The following TEX15 variants were observed in gnomAD, a reference collection of about 807,000 sequenced individuals.
TEX15 encodes the protein testis-expressed protein 15.
In TEX15, 171 loss-of-function variants were observed where a neutral mutation model predicts 237.3. The observed-to-expected ratio is 0.72, with a 90% CI of 0.64 to 0.82. The LOEUF (loss-of-function observed/expected upper bound fraction) is 0.82. TEX15 is among the 40% of genes least tolerant of loss of function. The probability of loss-of-function intolerance (pLI) is 0.00; values close to 1 mark genes in which losing one functional copy is unlikely to be tolerated. For synonymous variants in TEX15, 1,338 were observed against 1,269.8 expected, an observed-to-expected ratio of 1.05 and a Z score of -1.14; for missense variants, 3,750 against 3,646.5, an observed-to-expected ratio of 1.03 and a Z score of -0.73.
intron 3 of TEX15, among the ~76,000 whole-genome samples, chr8:30,883,369 CTTTT>C (rs56948523): frequency 2.3e-4 from 34 of 149,886 alleles, no homozygotes; most frequent in African/African-American, 7.1e-4. Flanking sequence ...TCAGTATTTT[CTTTT>C]TTTTTTAATT....
At chr8:30,849,554 C>T (rs1807721985) in intron 7 of TEX15, among the ~76,000 whole-genome samples, 1 of 151,768 alleles carries the variant, frequency 6.6e-6, no homozygotes, top group Admixed American at 6.6e-5. Context: ...AGAGTATTTG[C>T]CATAAAAGTT....
chr8:30,846,104 T>C lies in TEX15; in HGVS notation c.4063A>G (p.Lys1355Glu). ...GRIKTFSQSE[K>E]HIKSVLNILS... ...ATATTTAGGACACTCTTAATGTGCT[T>C]TTCTGACTGTGAAAATGTTTTAATT... Residue 1355 changes from lysine to glutamate, a missense_variant, in exon 8 of 11, where the codon AAG (lysine) becomes GAG (glutamate). Coordinates refer to ENST00000643185, the MANE Select transcript of TEX15 (RefSeq NM_001350162.2). The C allele has an allele frequency of 6.2e-7, 1 of 1,613,494 alleles. No homozygotes were observed. Among genetic ancestry groups the C allele is most frequent in the Non-Finnish European group, 8.5e-7 (1 of 1,179,602 alleles).
rs749440506 is a variant in TEX15, at chr8:30,847,914, C to T, written c.2253G>A (p.Gly751=). ...TGCTAGCATAATTTTGATTTATTTT[C>T]CCCAATTTCAGTTCCATTAGCTTTT... ...IAQKLMELKL[G]KINQNYASII... is the part of the protein sequence containing the mutation. Residue 751 remains glycine (G), a synonymous_variant, in exon 8 of 11, where the codon GGG becomes GGA. Transcript: ENST00000643185. The T allele has an allele frequency of 1.2e-6, 2 of 1,613,868 alleles. No individual in the cohort carries two copies. The highest frequency in any genetic ancestry group is 8.5e-7 in the Non-Finnish European group (1 of 1,179,916).
Position 30,839,558 on chromosome 8 carries a change from G to T in TEX15, c.8222+348C>A, listed in dbSNP as rs191800462. Among the ~76,000 whole-genome samples, 11 of 152,172 alleles carry T rather than the reference G, an allele frequency of 7.2e-5. No individual in the cohort carries two copies. The East Asian group carries it at 1.9e-3, about 27-fold the overall frequency. ...TATGTATTGTATCGTATCTTGTAAA[G>T]ATATAAATTTTTCTTTCTTATTCTG... On this transcript the variant is annotated intron_variant, in intron 9 of 10. Transcript: ENST00000643185.
chr8:30,847,442 TGTG>T lies in TEX15; in HGVS notation c.2722_2724del (p.His908del), dbSNP rs746822352. ...TCTTCAGAACTCAAAATTTCTATAT[TGTG>T]GTAATTTTTGTCCTCCTTTTCATCT... On this transcript the variant is annotated inframe_deletion, in exon 8 of 11. Coordinates refer to ENST00000643185, the MANE Select transcript of TEX15 (RefSeq NM_001350162.2). The T allele has an allele frequency of 9.1e-5, 146 of 1,610,970 alleles. No individual in the cohort carries two copies. Among genetic ancestry groups the T allele is most frequent in the Non-Finnish European group, 5.3e-5 (62 of 1,179,334 alleles).
In TEX15 at chr8:30,844,270, T is replaced by C; in HGVS notation, c.5897A>G (p.Glu1966Gly). The change falls in exon 8 of 11, where the codon GAA becomes GGA. Residue 1966 changes from glutamate to glycine, a missense_variant. Coordinates refer to ENST00000643185, the MANE Select transcript of TEX15 (RefSeq NM_001350162.2). ...NHTPILPAHS[E>G]TCKVPTLLKK... ...CAGAAGAGTAGGGACTTTACAGGTT[T>C]CAGAGTGGGCAGGTAAAATAGGCGT... The C allele has an allele frequency of 6.2e-7, 1 of 1,613,380 alleles. No homozygotes were observed. The highest frequency in any genetic ancestry group is 8.5e-7 in the Non-Finnish European group (1 of 1,179,542).
rs960435758 is a variant in TEX15 at position 30,844,427 on chromosome 8, T to C, written c.5740A>G (p.Thr1914Ala). ...CTTTTGTTAAGCGGATTAGAAACTGTGTTCTTCAAAGGGACTGACTCAGTG... is the reference window on the plus strand; with the variant it reads ...CTTTTGTTAAGCGGATTAGAAACTGCGTTCTTCAAAGGGACTGACTCAGTG... ...TTTESVPLKN[T>A]VSNPLNKREK... Residue 1914 changes from threonine to alanine, a missense_variant, in exon 8 of 11, where the codon ACA becomes GCA. Physicochemically the swap from Thr to Ala is moderately conservative, Grantham distance 58. Coordinates refer to ENST00000643185, the MANE Select transcript of TEX15 (RefSeq NM_001350162.2). 6.2e-7 allele frequency: 1 copy of C among 1,612,166 alleles called. No individual in the cohort carries two copies. Among genetic ancestry groups the C allele is most frequent in the African/African-American group, 1.3e-5 (1 of 74,804 alleles).
chr8:30,886,548 T>G (rs979482387), intron 3 of TEX15, among the ~76,000 whole-genome samples: 3 of 152,148 alleles, frequency 2.0e-5, no homozygotes, highest in East Asian at 1.9e-4. Flanking sequence ...GAATGCATTA[T>G]TGCTGTGTGA....
chr8:30,870,033 G>A (rs1356718915), intron 4 of TEX15, among the ~76,000 whole-genome samples: 1 of 151,970 alleles, frequency 6.6e-6, no homozygotes, highest in African/African-American at 2.4e-5. Flanking sequence ...TGTCACCTCT[G>A]AACCCTGCAT....
intron 2 of TEX15, among the ~76,000 whole-genome samples, chr8:30,889,985 G>A (rs1808765360): frequency 9.2e-6 from 1 of 109,034 alleles, no homozygotes; most frequent in African/African-American, 4.3e-5. Flanking sequence ...GTAAAATCAG[G>A]AAGTTTGAAT....
intron 1 of TEX15, among the ~76,000 whole-genome samples, chr8:30,899,999 T>G (rs1368739778): frequency 1.3e-5 from 2 of 152,198 alleles, no homozygotes; most frequent in Non-Finnish European, 2.9e-5. Context: ...TAACTTTTAT[T>G]GGTGAAACAT....
intron 3 of TEX15, 170 bp downstream of exon 3, chr8:30,886,997 G>A (rs10110967): frequency 0.24 from 123,045 of 502,398 alleles, 23,178 homozygotes; most frequent in African/African-American, 0.74. Flanking sequence ...GATGCAGAAC[G>A]TGCATCTATT....
intron 3 of TEX15, among the ~76,000 whole-genome samples, chr8:30,881,405 GATCT>G (rs1313905341): frequency 1.3e-5 from 2 of 151,952 alleles, no homozygotes; most frequent in Non-Finnish European, 2.9e-5. Context: ...CTATTTAAAT[GATCT>G]ATTTAGAACT....
rs764662136 is a variant in TEX15, at chr8:30,844,183, G to A, written c.5984C>T (p.Ala1995Val). ...AATTTGAGATAGATTAGCTATAAGGGCCGTATGATTAGCTGAGCAATGTTT... is the reference window on the plus strand; with the variant it reads ...AATTTGAGATAGATTAGCTATAAGGACCGTATGATTAGCTGAGCAATGTTT... The part of the protein sequence containing the change: ...KEKHCSANHT[A>V]LIANLSQILQ... Residue 1995 changes from alanine (A) to valine (V), a missense_variant, in exon 8 of 11, where the codon GCC becomes GTC. Transcript: ENST00000643185. 1 of 1,612,416 alleles carries A rather than the reference G, an allele frequency of 6.2e-7. No homozygotes were observed. Among genetic ancestry groups the A allele is most frequent in the African/African-American group, 1.3e-5 (1 of 74,918 alleles).
chr8:30,892,723 A>T (rs917302888), intron 2 of TEX15, among the ~76,000 whole-genome samples: 3 of 152,120 alleles, frequency 2.0e-5, no homozygotes, highest in Non-Finnish European at 4.4e-5. Context: ...AACTTATTGT[A>T]TTCACTACTA....
intron 5 of TEX15, among the ~76,000 whole-genome samples, chr8:30,865,546 C>T (rs909631895): frequency 1.3e-5 from 2 of 151,990 alleles, no homozygotes; most frequent in African/African-American, 4.8e-5. Flanking sequence ...TGTAAAAATC[C>T]TCAACAAAAG....
In TEX15 at chr8:30,892,277, T is replaced by C. The variant is rs146974017; in HGVS notation, c.-9-4966A>G. Among the ~76,000 whole-genome samples, 634 of 152,324 alleles carry C rather than the reference T, an allele frequency of 4.2e-3. 5 individuals are homozygous for C. The highest frequency in any genetic ancestry group is 0.015 in the African/African-American group (606 of 41,570). ...TTATTCCTATTTATCTGTAATGCCA[T>C]CTCTGACATAAACCCATTTTCCACA... is the stretch of plus-strand genomic sequence containing the variant. On this transcript the variant is annotated intron_variant, in intron 2 of 10. Coordinates refer to ENST00000643185, the MANE Select transcript of TEX15 (RefSeq NM_001350162.2).
At position 30,876,043 on chromosome 8, in the gene TEX15, G is replaced by A. The variant is rs549136422; in HGVS notation, c.137-941C>T. 3.0e-4 allele frequency among the ~76,000 whole-genome samples: 46 copies of A among 152,026 alleles called. 2 individuals are homozygous for A. The South Asian group carries it at 9.6e-3, about 32-fold the overall frequency. ...TGTCCAAGCTGGTCTCAAATTCCTG[G>A]GCTCAAGCGATCCTCTCCAACCTTG... On this transcript the variant is annotated intron_variant, in intron 3 of 10. Transcript: ENST00000643185.
intron 1 of TEX15, among the ~76,000 whole-genome samples, chr8:30,910,920 C>T (rs546121199): frequency 5.3e-5 from 8 of 152,122 alleles, no homozygotes; most frequent in African/African-American, 1.7e-4. Context: ...AGAAAGTGGG[C>T]AATAACAAAG....
Sources: gnomAD v4.1 joint callset for allele counts (sites outside exome capture counted in the v4.1 genomes callset) on GRCh38, gnomAD v4.1.1 for gene constraint, MANE v1.5 for transcripts, NCBI Gene and HGNC (gene_info 2026-07-23, HGNC 2026-07-21) for gene names.